TNS4: variants seen among roughly 807,000 people sequenced by gnomAD.
TNS4 encodes tensin 4.
TNS4 carries 46 observed loss-of-function variants against 70.4 expected under a neutral mutation model. The observed-to-expected ratio is 0.65, with a 90% confidence interval of 0.52 to 0.84. The LOEUF (loss-of-function observed/expected upper bound fraction) is 0.84, where lower values mean the gene tolerates loss of function less well. Ranked by LOEUF, TNS4 falls within the 40% of genes least tolerant of loss-of-function variation. The pLI, the probability that TNS4 is intolerant of heterozygous loss-of-function variation, is 0.00. For synonymous variants in TNS4, 390 were observed against 366.6 expected, an observed-to-expected ratio of 1.06 and a Z score of -0.73; for missense variants, 863 against 907.0, an observed-to-expected ratio of 0.95 and a Z score of 0.62.
intron 1 of TNS4, among the ~76,000 whole-genome samples, chr17:40,497,154 A>G (rs1486453221): frequency 6.6e-6 from 1 of 152,126 alleles, no homozygotes; most frequent in African/African-American, 2.4e-5. Flanking sequence ...CAGTGTCACG[A>G]GAGAGGAGGG....
intron 1 of TNS4, among the ~76,000 whole-genome samples, chr17:40,497,503 T>C (rs2143832766): frequency 6.6e-6 from 1 of 152,184 alleles, no homozygotes. Flanking sequence ...CTCAGGAGAC[T>C]GGGGCAGGAG....
chr17:40,484,676 G>A, intron 5 of TNS4, 67 bp from the exon 6 acceptor site: 1 of 1,593,614 alleles, frequency 6.3e-7, no homozygotes, highest in Non-Finnish European at 8.5e-7. Flanking sequence ...AGCCCCGTAG[G>A]GTCTTCACAG....
chr17:40,479,875 G>A lies in TNS4; in HGVS notation c.1742-33C>T, dbSNP rs138925995. The A allele has an allele frequency of 3.1e-3, 4,896 of 1,578,668 alleles. 110 individuals are homozygous for A. Among genetic ancestry groups the A allele is most frequent in the East Asian group, 0.023 (996 of 43,164 alleles). On this transcript the variant is annotated intron_variant, in intron 9 of 12. Transcript: ENST00000254051. ...AGGCAGACACTGCGCTGGGGCCACT[G>A]ACCCAGGGCCCAGGTTCTCCCTCTG...
rs902686943 is a variant in TNS4 at position 40,477,130 on chromosome 17, C to T, written c.*458G>A. 2 of 156,930 alleles carry T rather than the reference C, an allele frequency of 1.3e-5. No homozygotes were observed. The highest frequency in any genetic ancestry group is 4.8e-5 in the African/African-American group (2 of 41,570). The allele number at this position is 156,930 out of a possible 1,614,324, so 9.7% of individuals were successfully genotyped here. A position where few individuals can be genotyped will look rare whatever the true frequency, so the allele number is the denominator to read the frequency against. On this transcript the variant is annotated 3_prime_UTR_variant, in exon 13 of 13. Transcript: ENST00000254051. ...TTTTGTAGTCAGTTCTTGACCATCA[C>T]CAGCTGCAAGCCAGGAGCCCCGTGG...
intron 9 of TNS4, 64 bp downstream of exon 9, chr17:40,480,636 A>G (rs2035909582): frequency 4.2e-6 from 6 of 1,421,262 alleles, no homozygotes; most frequent in Non-Finnish European, 5.5e-6. Flanking sequence ...GCGTGTGTGC[A>G]GGGTTGGGAG....
intron 8 of TNS4, among the ~76,000 whole-genome samples, chr17:40,481,365 C>G (rs1428721016): frequency 6.6e-6 from 1 of 152,000 alleles, no homozygotes; most frequent in African/African-American, 2.4e-5. Flanking sequence ...TTCTCTCTTT[C>G]TTTCTTTCTT....
At chr17:40,498,903 C>A (rs634299) in intron 1 of TNS4, among the ~76,000 whole-genome samples, 2 of 151,964 alleles carry the variant, frequency 1.3e-5, no homozygotes, top group African/African-American at 4.8e-5. Flanking sequence ...TGCTGAGACT[C>A]GGAGAGGTCA....
intron 8 of TNS4, among the ~76,000 whole-genome samples, chr17:40,481,525 C>T (rs931564601): frequency 6.6e-6 from 1 of 152,168 alleles, no homozygotes; most frequent in East Asian, 1.9e-4. Flanking sequence ...CCACCACGCC[C>T]AGCTAAATTT....
In TNS4 at chr17:40,480,918, G is replaced by T. The variant is rs891347088; in HGVS notation, c.1673-150C>A. On this transcript the variant is annotated intron_variant, in intron 8 of 12. Coordinates refer to ENST00000254051, the MANE Select transcript of TNS4 (RefSeq NM_032865.6). ...GTGACTCAAACCAGGTGTGATTACCGTAATTAGGCAAACAGGCCACTTTGG... is the reference window on the plus strand; with the variant it reads ...GTGACTCAAACCAGGTGTGATTACCTTAATTAGGCAAACAGGCCACTTTGG... 6 of 885,446 alleles carry T rather than the reference G, an allele frequency of 6.8e-6. No individual in the cohort carries two copies. The Admixed American group carries it at 1.7e-4, about 26-fold the overall frequency. The allele number at this position is 885,446 out of a possible 1,614,324, so 54.8% of individuals were successfully genotyped here.
chr17:40,484,746 A>C, intron 5 of TNS4, 137 bp from the exon 6 acceptor site: 50 of 1,427,548 alleles, frequency 3.5e-5, no homozygotes, highest in Middle Eastern at 2.0e-4. Flanking sequence ...TCAAATCTCC[A>C]CCATTCTTGC....
In TNS4 at chr17:40,476,466, A is replaced by T. The variant is rs1185258662; in HGVS notation, c.*1122T>A. 1 of 146,514 alleles carries T rather than the reference A, an allele frequency of 6.8e-6. No individual in the cohort carries two copies. The highest frequency in any genetic ancestry group is 1.5e-5 in the Non-Finnish European group (1 of 67,928). The allele number at this position is 146,514 out of a possible 1,614,324, so 9.1% of individuals were successfully genotyped here. On this transcript the variant is annotated 3_prime_UTR_variant, in exon 13 of 13. Coordinates refer to ENST00000254051, the MANE Select transcript of TNS4 (RefSeq NM_032865.6). ...TTGGGGGAGGGCTCAGCAAGACAGG[A>T]GCTGAGGCAGAATCACAGAGAGATG... is the stretch of plus-strand genomic sequence containing the variant.
chr17:40,491,684 C>T (rs1220506956), intron 2 of TNS4, among the ~76,000 whole-genome samples: 6 of 150,992 alleles, frequency 4.0e-5, no homozygotes, highest in East Asian at 2.0e-4. Flanking sequence ...GGAGGAGCCC[C>T]GTGCTCACCT....
chr17:40,499,583 G>A (rs759494136), intron 1 of TNS4, among the ~76,000 whole-genome samples: 2 of 152,200 alleles, frequency 1.3e-5, no homozygotes, highest in Admixed American at 1.3e-4. Flanking sequence ...CTCCCCCAAC[G>A]CCCGTGGCTC....
chr17:40,477,572 A>G lies in TNS4; in HGVS notation c.*16T>C, dbSNP rs2035864305. 1 of 1,613,608 alleles carries G rather than the reference A, an allele frequency of 6.2e-7. No individual in the cohort carries two copies. Among genetic ancestry groups the G allele is most frequent in the Non-Finnish European group, 8.5e-7 (1 of 1,179,852 alleles). Reference sequence around the variant, plus strand: ...GCCCCTGGAGGTGTTGGTTAGGTGCACAGGCAGTCTCTCCCCTACATCCTT... The same window carrying G: ...GCCCCTGGAGGTGTTGGTTAGGTGCGCAGGCAGTCTCTCCCCTACATCCTT... On this transcript the variant is annotated 3_prime_UTR_variant, in exon 13 of 13. Coordinates refer to ENST00000254051, the MANE Select transcript of TNS4 (RefSeq NM_032865.6).
chr17:40,492,849 A>G (rs2036093385), intron 2 of TNS4, among the ~76,000 whole-genome samples: 1 of 152,132 alleles, frequency 6.6e-6, no homozygotes, highest in Admixed American at 6.5e-5. Context: ...GTTCAAGACC[A>G]GCCTGGCCAA....
At chr17:40,480,607 CGTGT>C in intron 9 of TNS4, 89 bp downstream of exon 9, 3 of 1,218,314 alleles carry the variant, frequency 2.5e-6, no homozygotes, top group Non-Finnish European at 3.3e-6. Flanking sequence ...TGTGCCTGTG[CGTGT>C]GTGCGTGCAT....
intron 6 of TNS4, among the ~76,000 whole-genome samples, chr17:40,483,217 AT>A (rs1233959795): frequency 6.6e-6 from 1 of 150,904 alleles, no homozygotes; most frequent in Non-Finnish European, 1.5e-5. Context: ...ATTTTATTTT[AT>A]TTTTTTTAGA....
intron 1 of TNS4, among the ~76,000 whole-genome samples, chr17:40,498,470 A>C (rs1355159685): frequency 1.3e-5 from 2 of 152,218 alleles, no homozygotes; most frequent in Admixed American, 1.3e-4. Context: ...TTGAGCGCTG[A>C]CCATGTGCCA....
intron 3 of TNS4, 22 bp downstream of exon 3, chr17:40,488,524 T>C: frequency 6.7e-7 from 1 of 1,494,902 alleles, no homozygotes; most frequent in Non-Finnish European, 8.9e-7. Context: ...GTGTGTGCAA[T>C]GTTAGAAGCT....
Sources: gnomAD v4.1 joint callset for allele counts (sites outside exome capture counted in the v4.1 genomes callset) on GRCh38, gnomAD v4.1.1 for gene constraint, MANE v1.5 for transcripts, NCBI Gene and HGNC (gene_info 2026-07-23, HGNC 2026-07-21) for gene names.